The following VPS13A variants were observed in gnomAD, a reference collection of about 807,000 sequenced individuals.
VPS13A encodes intermembrane lipid transfer protein VPS13A.
In VPS13A, 264 loss-of-function variants were observed where a neutral mutation model predicts 390.9. That is an observed-to-expected ratio of 0.68 (90% confidence interval 0.61 to 0.75). VPS13A has a LOEUF of 0.75. VPS13A is among the 30% of genes least tolerant of loss of function. The pLI is 0.00. For synonymous variants in VPS13A, 1,231 were observed against 1,227.1 expected (o/e 1.00, Z -0.07); for missense variants, 3,409 against 3,733.9 (o/e 0.91, Z 2.27).
At chr9:77,222,153 T>C (rs947198877) in intron 13 of VPS13A, among the ~76,000 whole-genome samples, 1 of 152,124 alleles carries the variant, frequency 6.6e-6, no homozygotes, top group African/African-American at 2.4e-5. Context: ...AGATTGACTT[T>C]TACTTTTATT....
intron 52 of VPS13A, among the ~76,000 whole-genome samples, chr9:77,349,404 A>G (rs981475311): frequency 3.9e-5 from 6 of 152,118 alleles, no homozygotes; most frequent in African/African-American, 1.4e-4. Flanking sequence ...TTCATTACCC[A>G]GGTAATAAGC....
chr9:77,278,638 C>T (rs144172878), intron 26 of VPS13A, among the ~76,000 whole-genome samples: 2 of 152,150 alleles, frequency 1.3e-5, no homozygotes, highest in African/African-American at 4.8e-5. Context: ...GAGTAGAAAA[C>T]AGGTTTATGT....
Position 77,316,296 on chromosome 9 carries a change from A to G in VPS13A, c.4753A>G (p.Ile1585Val), listed in dbSNP as rs1430920148. The G allele has an allele frequency of 1.2e-6, 2 of 1,613,218 alleles. No individual in the cohort carries two copies. Among genetic ancestry groups the G allele is most frequent in the Non-Finnish European group, 1.7e-6 (2 of 1,179,480 alleles). ...TTTAGTCATTACAACACAATGTGAA[A>G]TTTGCTATAAAGGTAACCTTGAAAA... is the stretch of plus-strand genomic sequence containing the variant. ...PALVITTQCE[I>V]CYKGNLENST... Residue 1585 changes from isoleucine to valine, a missense_variant, in exon 39 of 72, where the codon ATT becomes GTT. Around this residue, in one of 5 missense-constraint regions of VPS13A, gnomAD observed 2,717 missense variants for 2,917.4 expected, o/e 0.93. Coordinates refer to ENST00000360280, the MANE Select transcript of VPS13A (RefSeq NM_033305.3).
chr9:77,207,251 A>T (rs11145334), intron 5 of VPS13A, among the ~76,000 whole-genome samples: 5,232 of 109,554 alleles, frequency 0.048, 397 homozygotes, highest in Non-Finnish European at 0.054. Context: ...ATATATATAT[A>T]TAAAACGTGT....
intron 13 of VPS13A, among the ~76,000 whole-genome samples, chr9:77,224,612 G>A (rs1039537252): frequency 6.6e-5 from 10 of 152,182 alleles, no homozygotes; most frequent in Non-Finnish European, 1.3e-4. Flanking sequence ...ACAATCTCAT[G>A]ATAAAACTTT....
intron 1 of VPS13A, among the ~76,000 whole-genome samples, chr9:77,198,765 G>A (rs1405832108): frequency 6.6e-6 from 1 of 152,022 alleles, no homozygotes; most frequent in Non-Finnish European, 1.5e-5. Context: ...CTGGGTTCAA[G>A]CAATTCTCCT....
chr9:77,322,004 G>A (rs182105555), intron 44 of VPS13A, among the ~76,000 whole-genome samples: 1 of 151,714 alleles, frequency 6.6e-6, no homozygotes, highest in Non-Finnish European at 1.5e-5. Context: ...CTGCTTTGTT[G>A]TTGGGAGGAA....
intron 68 of VPS13A, among the ~76,000 whole-genome samples, chr9:77,399,171 AAAAAAAAAAT>A (rs556750863): frequency 0.015 from 1,248 of 81,560 alleles, 13 homozygotes; most frequent in South Asian, 0.017. Flanking sequence ...GTATAATAAA[AAAAAAAAAAT>A]AAAAAAAAAA....
chr9:77,356,969 A>G, intron 55 of VPS13A, 102 bp downstream of exon 55: 2 of 1,285,424 alleles, frequency 1.6e-6, no homozygotes, highest in South Asian at 2.5e-5. Flanking sequence ...CTTATAAAAC[A>G]AAATAATCCT....
chr9:77,212,751 G>T (rs1826040555), intron 7 of VPS13A, among the ~76,000 whole-genome samples: 2 of 152,162 alleles, frequency 1.3e-5, no homozygotes, highest in Non-Finnish European at 2.9e-5. Context: ...GTTGGAAGTT[G>T]CCTGTTTCTT....
intron 45 of VPS13A, among the ~76,000 whole-genome samples, chr9:77,330,188 T>C (rs7863987): frequency 0.29 from 38,629 of 135,132 alleles, 5,636 homozygotes; most frequent in African/African-American, 0.43. Flanking sequence ...GCTAATCTTT[T>C]AATATTTTGT....
At position 77,213,039 on chromosome 9, in the gene VPS13A, A is replaced by G. The variant is rs777630056; in HGVS notation, c.615+11A>G. On this transcript the variant is annotated intron_variant, in intron 8 of 71. Transcript: ENST00000360280. ...AAACTGGTTCGTAAGGTAAATAAAT[A>G]CTGTGTTTGTCAACTCATGGACTTA... 1.9e-6 allele frequency: 3 copies of G among 1,613,804 alleles called. No individual in the cohort carries two copies. The East Asian group carries it at 6.7e-5, about 36-fold the overall frequency.
intron 22 of VPS13A, among the ~76,000 whole-genome samples, chr9:77,257,688 C>T (rs1471020389): frequency 1.3e-5 from 2 of 152,086 alleles, no homozygotes; most frequent in South Asian, 2.1e-4. Context: ...ATAGCTTGAG[C>T]CCAGGAGGTT....
At chr9:77,310,348 T>G (rs2131415471) in intron 35 of VPS13A, among the ~76,000 whole-genome samples, 1 of 152,218 alleles carries the variant, frequency 6.6e-6, no homozygotes, top group East Asian at 1.9e-4. Context: ...AAAAGCCATA[T>G]GGAAGAATGT....
At chr9:77,239,248 C>T (rs1214774359) in intron 19 of VPS13A, among the ~76,000 whole-genome samples, 1 of 151,932 alleles carries the variant, frequency 6.6e-6, no homozygotes, top group Admixed American at 6.6e-5. Context: ...GAAGCCGAGG[C>T]GGGTGGATCA....
intron 68 of VPS13A, chr9:77,395,874 C>G (rs1164125061): frequency 2.0e-5 from 3 of 152,090 alleles, no homozygotes; most frequent in Non-Finnish European, 4.4e-5. Flanking sequence ...TCAAGGTTAA[C>G]AGAGTAGTTA....
chr9:77,327,123 G>A (rs1320580606), intron 45 of VPS13A, among the ~76,000 whole-genome samples: 3 of 152,032 alleles, frequency 2.0e-5, no homozygotes, highest in Admixed American at 2.0e-4. Context: ...TAGTTTTTTT[G>A]TTTTTGTTTT....
In VPS13A at chr9:77,361,807, CTT is replaced by C. The variant is rs539160924; in HGVS notation, c.8211+1167_8211+1168del. On this transcript the variant is annotated intron_variant, in intron 59 of 71. Transcript: ENST00000360280. The stretch of plus-strand genomic sequence containing the variant: ...TGATTTTTCCATATTATCCCCAACA[CTT>C]GTTACTATCTGTCTTTGATTCTAGC... 7.8e-3 allele frequency among the ~76,000 whole-genome samples: 1,181 copies of C among 152,222 alleles called. 18 individuals are homozygous for C. Among genetic ancestry groups the C allele is most frequent in the African/African-American group, 0.027 (1,113 of 41,566 alleles).
intron 10 of VPS13A, 99 bp from the exon 11 acceptor site, chr9:77,219,855 T>C: frequency 7.7e-7 from 1 of 1,292,370 alleles, no homozygotes; most frequent in Non-Finnish European, 1.1e-6. Flanking sequence ...AGAAGGGGTA[T>C]AAAATAAATG....
Sources: allele counts gnomAD v4.1 joint callset (sites outside exome capture counted in the v4.1 genomes callset), GRCh38; gene constraint gnomAD v4.1.1; regional missense constraint gnomAD v4.1.1; transcripts MANE v1.5; gene names NCBI Gene and HGNC (gene_info 2026-07-23, HGNC 2026-07-21).